IGF1: variants seen among roughly 807,000 people sequenced by gnomAD.
IGF1 encodes the protein insulin-like growth factor 1.
IGF1 carries 4 observed loss-of-function variants against 13.8 expected under a neutral mutation model. The observed-to-expected ratio is 0.29, with a 90% CI of 0.14 to 0.66. The LOEUF (loss-of-function observed/expected upper bound fraction) is 0.66. IGF1 is among the 30% of genes least tolerant of loss of function. The pLI is 0.78. For missense variants in IGF1, 124 were observed against 188.5 expected (o/e 0.66, Z 2.00); for synonymous variants, 76 against 72.6 (o/e 1.05, Z -0.23).
chr12:102,454,372 G>A (rs1049068056), intron 2 of IGF1, among the ~76,000 whole-genome samples: 3 of 152,298 alleles, frequency 2.0e-5, no homozygotes, highest in Admixed American at 2.0e-4. Context: ...GGAATGAGAG[G>A]GTTTTCTCTT....
chr12:102,423,940 AG>A (rs1482733732), intron 2 of IGF1, among the ~76,000 whole-genome samples: 1 of 152,182 alleles, frequency 6.6e-6, no homozygotes, highest in African/African-American at 2.4e-5. Context: ...ATGCTGCATA[AG>A]TTTGTGTTTC....
intron 1 of IGF1, chr12:102,478,685 T>C: frequency 1.5e-6 from 2 of 1,342,806 alleles, no homozygotes; most frequent in Non-Finnish European, 1.9e-6. Flanking sequence ...CTTTTGTCCA[T>C]TGAAACAATG....
At chr12:102,449,311 C>A (rs1030947688) in intron 2 of IGF1, among the ~76,000 whole-genome samples, 2 of 150,766 alleles carry the variant, frequency 1.3e-5, no homozygotes, top group Non-Finnish European at 2.9e-5. Flanking sequence ...AACCAAACAC[C>A]ACATTTTCTC....
At chr12:102,413,383 A>T (rs1182083635) in intron 3 of IGF1, among the ~76,000 whole-genome samples, 1 of 152,148 alleles carries the variant, frequency 6.6e-6, no homozygotes, top group Non-Finnish European at 1.5e-5. Context: ...GAAATTGCAG[A>T]ATTTATTACC....
intron 2 of IGF1, among the ~76,000 whole-genome samples, chr12:102,456,809 C>T (rs2137179951): frequency 6.6e-6 from 1 of 152,248 alleles, no homozygotes; most frequent in East Asian, 1.9e-4. Flanking sequence ...AATGACAGTC[C>T]CCACGTTCCA....
chr12:102,440,424 G>A (rs1252151276), intron 2 of IGF1, among the ~76,000 whole-genome samples: 1 of 152,166 alleles, frequency 6.6e-6, no homozygotes, highest in Non-Finnish European at 1.5e-5. Flanking sequence ...ACATTTCAGA[G>A]CGAATCCAGA....
intron 2 of IGF1, among the ~76,000 whole-genome samples, chr12:102,427,291 C>G (rs1876293161): frequency 6.6e-6 from 1 of 152,060 alleles, no homozygotes; most frequent in African/African-American, 2.4e-5. Context: ...CCAGCATTAT[C>G]TCCTGTACTT....
intron 1 of IGF1, among the ~76,000 whole-genome samples, chr12:102,478,003 T>C (rs892236329): frequency 7.9e-5 from 12 of 151,192 alleles, no homozygotes; most frequent in African/African-American, 2.7e-4. Context: ...TTTTCTTTTT[T>C]TTTTTTTTTG....
intron 2 of IGF1, among the ~76,000 whole-genome samples, chr12:102,472,479 T>C (rs1880749668): frequency 6.6e-6 from 1 of 152,166 alleles, no homozygotes; most frequent in Non-Finnish European, 1.5e-5. Flanking sequence ...ATGGAGGCAA[T>C]TTTCTTTTAG....
At chr12:102,431,755 A>G (rs954587875) in intron 2 of IGF1, among the ~76,000 whole-genome samples, 1 of 152,190 alleles carries the variant, frequency 6.6e-6, no homozygotes, top group African/African-American at 2.4e-5. Flanking sequence ...AAATGGACCC[A>G]CTAACCCCAG....
intron 2 of IGF1, among the ~76,000 whole-genome samples, chr12:102,426,281 A>G (rs1203526923): frequency 6.6e-6 from 1 of 152,222 alleles, no homozygotes; most frequent in Non-Finnish European, 1.5e-5. Flanking sequence ...TAAAAAGGAT[A>G]TATAAGAGTA....
intron 2 of IGF1, among the ~76,000 whole-genome samples, chr12:102,445,910 A>G (rs755240020): frequency 2.0e-5 from 3 of 152,116 alleles, no homozygotes; most frequent in Non-Finnish European, 4.4e-5. Flanking sequence ...ATGTTCCATC[A>G]ATACCTAGTT....
At chr12:102,458,865 A>C (rs567423774) in intron 2 of IGF1, among the ~76,000 whole-genome samples, 12 of 152,240 alleles carry the variant, frequency 7.9e-5, no homozygotes, top group African/African-American at 2.9e-4. Context: ...AAGAGAGGAA[A>C]GTCCAGGAAA....
At chr12:102,439,391 G>A (rs960076508) in intron 2 of IGF1, among the ~76,000 whole-genome samples, 1 of 152,166 alleles carries the variant, frequency 6.6e-6, no homozygotes, top group Non-Finnish European at 1.5e-5. Flanking sequence ...TAGAAGGTAG[G>A]ATTTGAATTT....
intron 2 of IGF1, among the ~76,000 whole-genome samples, chr12:102,473,573 GAC>G (rs1446867410): frequency 2.0e-5 from 3 of 152,186 alleles, no homozygotes; most frequent in Non-Finnish European, 4.4e-5. Context: ...CAAAACTCAT[GAC>G]ACACATATTT....
At chr12:102,418,033 A>G (rs753408460) in intron 3 of IGF1, 1 of 1,602,916 alleles carries the variant, frequency 6.2e-7, no homozygotes, top group East Asian at 2.2e-5. Context: ...AATTGCATTG[A>G]GAACAAGTGG....
chr12:102,471,056 G>A (rs1880656201), intron 2 of IGF1, among the ~76,000 whole-genome samples: 1 of 152,138 alleles, frequency 6.6e-6, no homozygotes, highest in African/African-American at 2.4e-5. Flanking sequence ...CATGTATTTG[G>A]TCATATCTAA....
chr12:102,471,217 T>C (rs1880665833), intron 2 of IGF1, among the ~76,000 whole-genome samples: 1 of 152,204 alleles, frequency 6.6e-6, no homozygotes, highest in African/African-American at 2.4e-5. Context: ...AAATGTTATT[T>C]GGTCACTACT....
At chr12:102,431,621 C>T (rs1248341128) in intron 2 of IGF1, among the ~76,000 whole-genome samples, 2 of 152,132 alleles carry the variant, frequency 1.3e-5, no homozygotes, top group African/African-American at 2.4e-5. Context: ...GGTCACCTTA[C>T]TCGGGAACAC....
Sources: allele counts gnomAD v4.1 joint callset (sites outside exome capture counted in the v4.1 genomes callset), GRCh38; gene constraint gnomAD v4.1.1; transcripts MANE v1.5; gene names NCBI Gene and HGNC (gene_info 2026-07-23, HGNC 2026-07-21).